Variants in ERCC8 observed in about 807,000 individuals in gnomAD.
The protein encoded by ERCC8 is ERCC excision repair 8, CSA ubiquitin ligase complex subunit, also known as DNA excision repair protein ERCC-8.
ERCC8 carries 52 observed loss-of-function variants against 54.9 expected under a neutral mutation model. The observed-to-expected ratio is 0.95, with a 90% CI of 0.76 to 1.19. The LOEUF (loss-of-function observed/expected upper bound fraction) is 1.19, where lower values mean the gene tolerates loss of function less well. ERCC8 is among the 50% of genes most tolerant of loss of function. The pLI, the probability that ERCC8 is intolerant of heterozygous loss-of-function variation, is 0.00. For synonymous variants in ERCC8, 146 were observed against 157.2 expected (o/e 0.93, Z 0.53); for missense variants, 514 against 466.1 (o/e 1.10, Z -0.95).
At chr5:60,935,294 A>T (rs1750032045) in intron 1 of ERCC8, among the ~76,000 whole-genome samples, 1 of 151,978 alleles carries the variant, frequency 6.6e-6, no homozygotes, top group Non-Finnish European at 1.5e-5. Context: ...TCTTTTTTGA[A>T]GCTATTATAA....
intron 4 of ERCC8, among the ~76,000 whole-genome samples, chr5:60,916,261 C>A (rs1405299882): frequency 6.6e-6 from 1 of 152,052 alleles, no homozygotes; most frequent in Non-Finnish European, 1.5e-5. Context: ...GTCTCTCTAG[C>A]TTTATGAAAT....
At chr5:60,903,818 G>T in intron 5 of ERCC8, 102 bp from the exon 6 acceptor site, 1 of 1,167,556 alleles carries the variant, frequency 8.6e-7, no homozygotes, top group African/African-American at 1.5e-5. Flanking sequence ...CTGTATCCAT[G>T]CAGAAATATG....
intron 4 of ERCC8, among the ~76,000 whole-genome samples, chr5:60,909,063 T>C (rs1463776653): frequency 6.6e-6 from 1 of 151,638 alleles, no homozygotes; most frequent in Non-Finnish European, 1.5e-5. Flanking sequence ...GAATGCCAGA[T>C]AAAGATGGTT....
In ERCC8 at chr5:60,871,114, GA is replaced by G. The variant is rs888749293; in HGVS notation, c.*3500del. On this transcript the variant is annotated 3_prime_UTR_variant, in exon 12 of 12. Coordinates refer to ENST00000676185, the MANE Select transcript of ERCC8 (RefSeq NM_000082.4). ...CCAGCTAAACTATCATTTCAGAGGGGAAAAAAAAGATGATATTCAACAACTA... is the reference window on the plus strand; with the variant it reads ...CCAGCTAAACTATCATTTCAGAGGGGAAAAAAAGATGATATTCAACAACTA... Among the ~76,000 whole-genome samples, 77 of 151,576 alleles carry G rather than the reference GA, an allele frequency of 5.1e-4. No individual in the cohort carries two copies. Among genetic ancestry groups the G allele is most frequent in the African/African-American group, 1.6e-3 (67 of 41,346 alleles).
rs528022120 is a variant in ERCC8 at position 60,910,800 on chromosome 5, T to C, written c.400-5927A>G. 4.6e-5 allele frequency among the ~76,000 whole-genome samples: 7 copies of C among 152,270 alleles called. No individual in the cohort carries two copies. The East Asian group carries it at 1.3e-3, about 29-fold the overall frequency. On this transcript the variant is annotated intron_variant, in intron 4 of 11. Coordinates refer to ENST00000676185, the MANE Select transcript of ERCC8 (RefSeq NM_000082.4). ...TCTTTTGAATTTTCTACGTTCATAA[T>C]CATGTCTTCTGTGAATGACAGTTTA...
At chr5:60,933,956 C>CAA (rs1241046275) in intron 1 of ERCC8, among the ~76,000 whole-genome samples, 3 of 152,008 alleles carry the variant, frequency 2.0e-5, no homozygotes, top group African/African-American at 7.2e-5. Context: ...CACACACACA[C>CAA]AACCACATTT....
intron 11 of ERCC8, among the ~76,000 whole-genome samples, chr5:60,883,742 A>C (rs145052120): frequency 1.2e-3 from 184 of 152,328 alleles, no homozygotes; most frequent in African/African-American, 4.0e-3. Context: ...TCAGGTTTAA[A>C]CTGGAATAAA....
intron 6 of ERCC8, 75 bp from the exon 7 acceptor site, chr5:60,902,583 T>A (rs1445405807): frequency 7.9e-7 from 1 of 1,263,402 alleles, no homozygotes; most frequent in Non-Finnish European, 1.2e-6. Flanking sequence ...TAATTTTGCC[T>A]GATTCTGAAG....
intron 7 of ERCC8, among the ~76,000 whole-genome samples, chr5:60,901,252 C>T (rs4647110): frequency 2.0e-5 from 3 of 151,918 alleles, no homozygotes; most frequent in Admixed American, 1.3e-4. Context: ...CTCCTACAAG[C>T]CTTTTTGTGA....
Position 60,904,869 on chromosome 5 carries a change from G to A in ERCC8, c.404C>T (p.Ala135Val). Residue 135 changes from alanine (A) to valine (V), a missense_variant, in exon 5 of 12, where the codon GCA becomes GTA. Coordinates refer to ENST00000676185, the MANE Select transcript of ERCC8 (RefSeq NM_000082.4). Reference protein sequence around the residue: ...KVWDTNTLQTADVFNFEETVY... With the variant: ...KVWDTNTLQTVDVFNFEETVY... ...TGTTTCCTCAAAATTAAATACATCTGCAGTCTGGTAATCAAAAGACATTTA... is the reference window on the plus strand; with the variant it reads ...TGTTTCCTCAAAATTAAATACATCTACAGTCTGGTAATCAAAAGACATTTA... 1 of 1,487,742 alleles carries A rather than the reference G, an allele frequency of 6.7e-7. No homozygotes were observed. The highest frequency in any genetic ancestry group is 1.4e-5 in the African/African-American group (1 of 72,724). The allele number at this position is 1,487,742 out of a possible 1,614,324, so 92.2% of individuals were successfully genotyped here. A position where few individuals can be genotyped will look rare whatever the true frequency, so the allele number is the denominator to read the frequency against.
chr5:60,914,860 T>G (rs1353718209), intron 4 of ERCC8, among the ~76,000 whole-genome samples: 1 of 151,686 alleles, frequency 6.6e-6, no homozygotes, highest in Non-Finnish European at 1.5e-5. Context: ...ATGACTAATA[T>G]GTAGTTTTCC....
Position 60,902,470 on chromosome 5 carries a change from G to A in ERCC8, c.589C>T (p.Arg197Cys), listed in dbSNP as rs76157730. ...QEILAVSWSP[R>C]YDYILATASA... is the part of the protein sequence containing the mutation. ...GCTGTTGCCAAGATATAGTCATAAC[G>A]TGGAGACCAGGAAACTGCTAATATT... The change falls in exon 7 of 12, where the codon CGT becomes TGT. Residue 197 changes from arginine (R) to cysteine (C), a missense_variant. Arg to Cys is a radical substitution (Grantham distance 180). Transcript: ENST00000676185. The A allele has an allele frequency of 1.6e-5, 26 of 1,612,080 alleles. No individual in the cohort carries two copies. Among genetic ancestry groups the A allele is most frequent in the African/African-American group, 2.7e-5 (2 of 74,828 alleles).
chr5:60,935,272 G>C (rs1251731982), intron 1 of ERCC8, among the ~76,000 whole-genome samples: 1 of 152,130 alleles, frequency 6.6e-6, no homozygotes, highest in African/African-American at 2.4e-5. Flanking sequence ...ATATTCCTAA[G>C]TATTTTATTT....
chr5:60,902,319 C>A, intron 7 of ERCC8, 123 bp downstream of exon 7: 1 of 740,934 alleles, frequency 1.3e-6, no homozygotes, highest in African/African-American at 1.8e-5. Context: ...TAAGTCAATA[C>A]TTCATTTTAA....
In ERCC8 at chr5:60,866,828, C is replaced by G. The variant is rs1747758714; in HGVS notation, c.*7787G>C. ...AGCAGGAATGAACCTTAATAATTTT[C>G]TATTCCAGTTTTCTGTCCCCTTCCT... is the stretch of plus-strand genomic sequence containing the variant. On this transcript the variant is annotated 3_prime_UTR_variant, in exon 12 of 12. Coordinates refer to ENST00000676185, the MANE Select transcript of ERCC8 (RefSeq NM_000082.4). 1 of 151,992 alleles carries G rather than the reference C, an allele frequency of 6.6e-6. No homozygotes were observed. The highest frequency in any genetic ancestry group is 2.4e-5 in the African/African-American group (1 of 41,378). The allele number at this position is 151,992 out of a possible 1,614,324, so 9.4% of individuals were successfully genotyped here.
intron 1 of ERCC8, among the ~76,000 whole-genome samples, chr5:60,944,489 T>C (rs1750364254): frequency 6.6e-6 from 1 of 152,234 alleles, no homozygotes. Context: ...TTCTCCGCTC[T>C]AGTCATTCTG....
At chr5:60,883,284 A>G (rs963758595) in intron 11 of ERCC8, among the ~76,000 whole-genome samples, 1 of 152,222 alleles carries the variant, frequency 6.6e-6, no homozygotes, top group Admixed American at 6.5e-5. Flanking sequence ...AACAATCACA[A>G]ATAAATATTA....
chr5:60,937,370 G>A (rs1186431599), intron 1 of ERCC8, among the ~76,000 whole-genome samples: 2 of 152,164 alleles, frequency 1.3e-5, no homozygotes, highest in Non-Finnish European at 2.9e-5. Flanking sequence ...AGGAGATTAT[G>A]TCTTTTGTCT....
At chr5:60,904,621 AGT>A (rs35456838) in intron 5 of ERCC8, among the ~76,000 whole-genome samples, 169 bp downstream of exon 5, 2,532 of 62,006 alleles carry the variant, frequency 0.041, 42 homozygotes, top group Non-Finnish European at 0.048. Context: ...GAATATATAT[AGT>A]GTGTGTGTGT....
Sources: allele counts gnomAD v4.1 joint callset (sites outside exome capture counted in the v4.1 genomes callset), GRCh38; gene constraint gnomAD v4.1.1; transcripts MANE v1.5; gene names NCBI Gene and HGNC (gene_info 2026-07-23, HGNC 2026-07-21).